SUPT3H: variants seen among roughly 807,000 people sequenced by gnomAD.
SUPT3H encodes the protein transcription initiation protein SPT3 homolog.
SUPT3H carries 44 observed loss-of-function variants against 44.3 expected under a neutral mutation model. The ratio of observed to expected loss-of-function variants is 0.99; its 90% CI spans 0.78 to 1.28. The LOEUF (loss-of-function observed/expected upper bound fraction) is 1.28, where lower values mean the gene tolerates loss of function less well. Among genes scored for constraint, SUPT3H ranks in the 50% most tolerant of loss-of-function variants. The probability of loss-of-function intolerance (pLI) is 0.00; values close to 1 mark genes in which losing one functional copy is unlikely to be tolerated. For synonymous variants in SUPT3H, 124 were observed against 125.6 expected (o/e 0.99, Z 0.09); for missense variants, 380 against 387.1 (o/e 0.98, Z 0.15).
At chr6:44,826,387 A>C (rs954208059), downstream of SUPT3H, among the ~76,000 whole-genome samples, 3 of 152,222 alleles carry the variant, frequency 2.0e-5, no homozygotes, top group Non-Finnish European at 4.4e-5. Context: ...GTGTTGCTGG[A>C]GAATTAGCTC....
intron 2 of SUPT3H, among the ~76,000 whole-genome samples, chr6:45,152,310 C>A (rs73738614): frequency 6.6e-6 from 1 of 152,280 alleles, no homozygotes; most frequent in East Asian, 1.9e-4. Flanking sequence ...GCAAATCTTG[C>A]GAGCTACCTT....
At chr6:45,081,880 G>T (rs1006250109) in intron 3 of SUPT3H, among the ~76,000 whole-genome samples, 5 of 151,922 alleles carry the variant, frequency 3.3e-5, no homozygotes, top group African/African-American at 1.2e-4. Flanking sequence ...AAAATAGGGG[G>T]AAAAAATCAA....
At chr6:45,080,073 A>C (rs1795581698) in intron 3 of SUPT3H, among the ~76,000 whole-genome samples, 1 of 152,202 alleles carries the variant, frequency 6.6e-6, no homozygotes, top group Non-Finnish European at 1.5e-5. Context: ...AATAACCAGA[A>C]TATATAAGGA....
intron 2 of SUPT3H, among the ~76,000 whole-genome samples, chr6:45,141,923 T>G (rs547803642): frequency 1.8e-4 from 28 of 152,250 alleles, no homozygotes; most frequent in Non-Finnish European, 3.1e-4. Flanking sequence ...AAAAAGATCA[T>G]TGCCTAAGCA....
At chr6:45,064,993 A>T (rs1229676269) in intron 3 of SUPT3H, among the ~76,000 whole-genome samples, 65 of 150,842 alleles carry the variant, frequency 4.3e-4, no homozygotes, top group Non-Finnish European at 7.4e-4. Flanking sequence ...CCACCCCAAA[A>T]CAACAGAATA....
At chr6:45,205,621 ACC>A (rs1763108067) in intron 2 of SUPT3H, among the ~76,000 whole-genome samples, 1 of 151,942 alleles carries the variant, frequency 6.6e-6, no homozygotes, top group Non-Finnish European at 1.5e-5. Flanking sequence ...ACATGGTGAA[ACC>A]CCATCTCTAC....
intron 10 of SUPT3H, among the ~76,000 whole-genome samples, chr6:44,891,148 C>A (rs974802793): frequency 6.6e-6 from 1 of 152,026 alleles, no homozygotes; most frequent in East Asian, 1.9e-4. Flanking sequence ...AAGAAGACCT[C>A]TTAAGAAGTC....
intron 3 of SUPT3H, among the ~76,000 whole-genome samples, chr6:45,058,032 G>A (rs1479921399): frequency 6.6e-6 from 1 of 152,154 alleles, no homozygotes; most frequent in Non-Finnish European, 1.5e-5. Context: ...AGTTATCTAA[G>A]TTAAAAGTAT....
intron 2 of SUPT3H, among the ~76,000 whole-genome samples, chr6:45,276,262 G>T (rs1191779106): frequency 6.6e-6 from 1 of 151,834 alleles, no homozygotes; most frequent in Non-Finnish European, 1.5e-5. Context: ...CAACTAAATG[G>T]AGTTTATATA....
chr6:45,301,649 T>A (rs916219624), intron 2 of SUPT3H, among the ~76,000 whole-genome samples: 4 of 152,178 alleles, frequency 2.6e-5, no homozygotes, highest in African/African-American at 9.7e-5. Context: ...TATTATTTCA[T>A]ATGTATCATG....
chr6:45,211,547 G>C (rs369731994), intron 2 of SUPT3H, among the ~76,000 whole-genome samples: 4 of 152,054 alleles, frequency 2.6e-5, no homozygotes, highest in African/African-American at 9.7e-5. Context: ...ATGGTCTCTA[G>C]GCCAATTAAA....
In SUPT3H at chr6:44,829,822, G is replaced by A. The variant is rs1398346536; in HGVS notation, c.948C>T (p.Ala316=). The A allele has an allele frequency of 1.2e-6, 2 of 1,613,016 alleles. No homozygotes were observed. Among genetic ancestry groups the A allele is most frequent in the African/African-American group, 2.7e-5 (2 of 74,874 alleles). ...GCACATCACAGTTGTCACATCAGCAGGCTAGAAAAGCCATCCCATTCCTGC... is the reference window on the plus strand; with the variant it reads ...GCACATCACAGTTGTCACATCAGCAAGCTAGAAAAGCCATCCCATTCCTGC... ...AYRRNGMAFL[A]C is the part of the protein sequence containing the mutation. Residue 316 remains alanine, a synonymous_variant, in exon 11 of 11, where the codon GCC becomes GCT. Coordinates refer to ENST00000371459, the MANE Select transcript of SUPT3H (RefSeq NM_003599.4).
intron 2 of SUPT3H, among the ~76,000 whole-genome samples, chr6:45,201,583 T>C (rs1267168649): frequency 6.6e-6 from 1 of 151,878 alleles, no homozygotes; most frequent in Non-Finnish European, 1.5e-5. Context: ...ACATGCATAA[T>C]CATTCTTCAC....
intron 2 of SUPT3H, among the ~76,000 whole-genome samples, chr6:45,242,684 A>G (rs1287402424): frequency 2.0e-5 from 3 of 152,224 alleles, no homozygotes; most frequent in Non-Finnish European, 4.4e-5. Context: ...TAACTAATCT[A>G]TAATTAAATT....
rs537916837 is a variant in SUPT3H, at chr6:44,837,916, AAAAAG to A, written c.913-8064_913-8060del. Among the ~76,000 whole-genome samples, 242 of 152,346 alleles carry A rather than the reference AAAAAG, an allele frequency of 1.6e-3. 1 individual carries two copies. The highest frequency in any genetic ancestry group is 1.2e-3 in the Non-Finnish European group (85 of 68,036). Reference sequence around the variant, plus strand: ...GACAATACTGATGTAAGACAAAAACAAAAAGAAAATACTGTTGCTATGGCCTTCCC... The same window carrying A: ...GACAATACTGATGTAAGACAAAAACAAAAATACTGTTGCTATGGCCTTCCC... On this transcript the variant is annotated intron_variant, in intron 10 of 10. Transcript: ENST00000371459.
chr6:45,238,637 T>C (rs1331933876), intron 2 of SUPT3H, among the ~76,000 whole-genome samples: 2 of 152,206 alleles, frequency 1.3e-5, no homozygotes, highest in Non-Finnish European at 2.9e-5. Context: ...TGTTATTTTG[T>C]TATTGTCCAA....
chr6:44,962,537 T>A (rs1473927128), intron 6 of SUPT3H, among the ~76,000 whole-genome samples: 1 of 151,064 alleles, frequency 6.6e-6, no homozygotes, highest in Non-Finnish European at 1.5e-5. Context: ...CTTCTTGGAA[T>A]GAATTTCTGC....
chr6:45,055,218 T>A (rs1452017676), intron 3 of SUPT3H, among the ~76,000 whole-genome samples: 1 of 152,076 alleles, frequency 6.6e-6, no homozygotes, highest in East Asian at 1.9e-4. Flanking sequence ...GAGGGTAGAA[T>A]CAGTATTGTG....
intron 2 of SUPT3H, among the ~76,000 whole-genome samples, chr6:45,199,831 C>T (rs1409545376): frequency 1.3e-5 from 2 of 151,412 alleles, no homozygotes; most frequent in African/African-American, 2.4e-5. Flanking sequence ...CAATACATGA[C>T]TTTGAACTCA....
Sources: allele counts gnomAD v4.1 joint callset (sites outside exome capture counted in the v4.1 genomes callset), GRCh38; gene constraint gnomAD v4.1.1; transcripts MANE v1.5; gene names NCBI Gene and HGNC (gene_info 2026-07-23, HGNC 2026-07-21).